The following KYAT3 variants were observed in gnomAD, a reference collection of about 807,000 sequenced individuals.
KYAT3 encodes the protein kynurenine aminotransferase 3, also known as kynurenine--oxoglutarate transaminase 3.
Under a neutral mutation model 59.0 loss-of-function variants are expected in KYAT3, and 50 were observed. The observed-to-expected ratio is 0.85, with a 90% CI of 0.68 to 1.07. The LOEUF is 1.07. KYAT3 is among the 50% of genes least tolerant of loss of function. The probability of loss-of-function intolerance (pLI) is 0.00; values close to 1 mark genes in which losing one functional copy is unlikely to be tolerated. For missense variants in KYAT3, 497 were observed against 533.3 expected, an observed-to-expected ratio of 0.93 and a Z score of 0.67; for synonymous variants, 148 against 177.0, an observed-to-expected ratio of 0.84 and a Z score of 1.30.
intron 8 of KYAT3, 43 bp downstream of exon 8, chr1:88,961,124 C>A (rs377111794): frequency 6.2e-7 from 1 of 1,606,328 alleles, no homozygotes; most frequent in Non-Finnish European, 8.5e-7. Context: ...TCCATATGTG[C>A]CCAAACACAT....
At chr1:88,924,897 G>A in the KYAT3 span, among the ~76,000 whole-genome samples, 4 of 152,210 alleles carry the variant, frequency 2.6e-5, no homozygotes, top group East Asian at 1.9e-4. Flanking sequence ...AACAATCACC[G>A]CATGGCCCAA....
In KYAT3 at chr1:88,955,061, T is replaced by C. The variant is rs575617753; in HGVS notation, c.864+88A>G. The stretch of plus-strand genomic sequence containing the variant: ...GATTACAGGCATGAGCCACCATGCC[T>C]GGCCAGCATTTAAAACACAAACCAC... On this transcript the variant is annotated intron_variant, in intron 9 of 13. Coordinates refer to ENST00000260508, the MANE Select transcript of KYAT3 (RefSeq NM_001008661.3). 1.0e-4 allele frequency: 88 copies of C among 876,180 alleles called. No homozygotes were observed. The African/African-American group carries it at 1.3e-3, about 13-fold the overall frequency. 54.3% of individuals were successfully genotyped at this position (876,180 alleles called of 1,614,324 possible). A position where few individuals can be genotyped will look rare whatever the true frequency, so the allele number is the denominator to read the frequency against.
At chr1:88,922,056 A>C in the KYAT3 span, among the ~76,000 whole-genome samples, 1 of 152,206 alleles carries the variant, frequency 6.6e-6, no homozygotes, top group African/African-American at 2.4e-5. Flanking sequence ...TAAATTAAGC[A>C]TGACTGAGGG....
chr1:88,933,199 T>G (rs943776686), downstream of KYAT3, among the ~76,000 whole-genome samples: 4 of 152,236 alleles, frequency 2.6e-5, no homozygotes, highest in Admixed American at 1.3e-4. Flanking sequence ...AGGTATAAAT[T>G]TACATACAAT....
At chr1:88,937,079 G>A (rs572647319) in intron 13 of KYAT3, among the ~76,000 whole-genome samples, 3 of 152,146 alleles carry the variant, frequency 2.0e-5, no homozygotes, top group Non-Finnish European at 4.4e-5. Flanking sequence ...TGTATGGTAG[G>A]GTGGCCTCAT....
At chr1:88,978,084 ATG>A (rs921776394) in intron 2 of KYAT3, among the ~76,000 whole-genome samples, 2 of 151,934 alleles carry the variant, frequency 1.3e-5, no homozygotes, top group Admixed American at 1.3e-4. Flanking sequence ...ATATACACAT[ATG>A]TATATATGTA....
rs1172413065 is a variant in KYAT3 at position 88,949,038 on chromosome 1, T to C, written c.1141+53A>G. On this transcript the variant is annotated intron_variant, in intron 11 of 13. Transcript: ENST00000260508. ...CAATCTTTTCTCCATAATTCTGATA[T>C]AATTTCACACATAAGTTTCCGTATA... 2.9e-6 allele frequency: 4 copies of C among 1,368,314 alleles called. No homozygotes were observed. The African/African-American group carries it at 6.0e-5, about 21-fold the overall frequency. The allele number at this position is 1,368,314 out of a possible 1,614,324, so 84.8% of individuals were successfully genotyped here. A position where few individuals can be genotyped will look rare whatever the true frequency, so the allele number is the denominator to read the frequency against.
At chr1:88,923,616 G>T in the KYAT3 span, 3 of 157,780 alleles carry the variant, frequency 1.9e-5, no homozygotes, top group African/African-American at 7.2e-5. Flanking sequence ...GAGAACTTTT[G>T]ATTTCACCTT....
At chr1:88,939,219 T>G (rs984493702) in intron 13 of KYAT3, among the ~76,000 whole-genome samples, 1 of 152,252 alleles carries the variant, frequency 6.6e-6, no homozygotes, top group African/African-American at 2.4e-5. Flanking sequence ...CATAATATTA[T>G]AAAGTGCTAT....
At chr1:88,940,376 C>A (rs191045813) in intron 13 of KYAT3, among the ~76,000 whole-genome samples, 1 of 152,276 alleles carries the variant, frequency 6.6e-6, no homozygotes, top group East Asian at 1.9e-4. Flanking sequence ...CTGGCCCCTC[C>A]TCTTTGATTA....
At chr1:88,953,373 T>C (rs1484147022) in intron 9 of KYAT3, among the ~76,000 whole-genome samples, 2 of 151,622 alleles carry the variant, frequency 1.3e-5, no homozygotes, top group Non-Finnish European at 2.9e-5. Context: ...GGTGAAATGC[T>C]GTCTCTATAA....
At chr1:88,983,091 A>G in intron 2 of KYAT3, 1 of 1,612,404 alleles carries the variant, frequency 6.2e-7, no homozygotes, top group Admixed American at 1.7e-5. Context: ...GAATGACCAT[A>G]ATCACGGTAA....
chr1:88,962,059 A>G lies in KYAT3; in HGVS notation c.540T>C (p.Ser180=). 6.2e-7 allele frequency: 1 copy of G among 1,611,852 alleles called. No homozygotes were observed. Among genetic ancestry groups the G allele is most frequent in the Non-Finnish European group, 8.5e-7 (1 of 1,177,930 alleles). The change falls in exon 6 of 14, where the codon TCT becomes TCC. Residue 180 remains serine, a splice_region_variant and synonymous_variant. Transcript: ENST00000260508. ...ATATGAACCATACTGGCAAACTTAC[A>G]GATCTCAGGGGAATAAAAACAGGTG... is the stretch of plus-strand genomic sequence containing the variant. The part of the protein sequence containing the change: ...GATPVFIPLR[S]KPVYGKRWSS...
At chr1:88,968,283 T>C (rs1413625529) in intron 4 of KYAT3, among the ~76,000 whole-genome samples, 1 of 152,110 alleles carries the variant, frequency 6.6e-6, no homozygotes, top group East Asian at 1.9e-4. Context: ...TACAGAAGGA[T>C]GGGAGTGAGC....
Position 88,961,407 on chromosome 1 carries a change from T to C in KYAT3, c.640A>G (p.Asn214Asp). The change falls in exon 7 of 14, where the codon AAT (asparagine) becomes GAT (aspartate). Residue 214 changes from asparagine to aspartate, a missense_variant. Physicochemically the swap from Asn to Asp is conservative, Grantham distance 23. Coordinates refer to ENST00000260508, the MANE Select transcript of KYAT3 (RefSeq NM_001008661.3). Reference protein sequence around the residue: ...FNSKTKAIILNTPHNPLGKVY... With the variant: ...FNSKTKAIILDTPHNPLGKVY... ...TTGCCAAGTGGGTTATGTGGAGTAT[T>C]TAGTATAATAGCTTTGGTTTTGGAA... 1.9e-6 allele frequency: 3 copies of C among 1,613,980 alleles called. No individual in the cohort carries two copies. Among genetic ancestry groups the C allele is most frequent in the Non-Finnish European group, 2.5e-6 (3 of 1,179,894 alleles).
chr1:88,969,040 G>A (rs559836293), intron 3 of KYAT3, among the ~76,000 whole-genome samples: 2 of 152,172 alleles, frequency 1.3e-5, no homozygotes, highest in African/African-American at 4.8e-5. Flanking sequence ...TCAGTTTCAC[G>A]CTACCCATAT....
At chr1:88,961,343 A>G (rs1676135685) in intron 7 of KYAT3, 38 bp downstream of exon 7, 7 of 1,613,400 alleles carry the variant, frequency 4.3e-6, no homozygotes, top group Middle Eastern at 1.6e-4. Flanking sequence ...AGAAAATGAT[A>G]GGTCAGAAGA....
intron 2 of KYAT3, among the ~76,000 whole-genome samples, chr1:88,976,020 C>T (rs543798286): frequency 2.9e-5 from 4 of 136,378 alleles, no homozygotes; most frequent in Non-Finnish European, 4.8e-5. Context: ...GGTGACAGAG[C>T]GAGACTCCAT....
chr1:88,923,372 T>G, the KYAT3 span: 3 of 152,478 alleles, frequency 2.0e-5, no homozygotes, highest in East Asian at 3.8e-4. Context: ...CTCTTGCTGT[T>G]GCAGGGCGGA....
Sources: gnomAD v4.1 joint callset for allele counts (sites outside exome capture counted in the v4.1 genomes callset) on GRCh38, gnomAD v4.1.1 for gene constraint, MANE v1.5 for transcripts, NCBI Gene and HGNC (gene_info 2026-07-23, HGNC 2026-07-21) for gene names.